ITIH6: variants seen among roughly 807,000 people sequenced by gnomAD.
ITIH6 encodes inter-alpha-trypsin inhibitor heavy chain H6.
In ITIH6, 60 loss-of-function variants were observed where a neutral mutation model predicts 58.2. That is an observed-to-expected ratio of 1.03 (90% CI 0.84 to 1.28). The LOEUF (loss-of-function observed/expected upper bound fraction) is 1.28. ITIH6 is among the 50% of genes most tolerant of loss of function. The pLI, the probability that ITIH6 is intolerant of heterozygous loss-of-function variation, is 0.00. For synonymous variants in ITIH6, 493 were observed against 417.4 expected (o/e 1.18, Z -2.21); for missense variants, 1,290 against 1,021.1 (o/e 1.26, Z -3.59).
intron 1 of ITIH6, among the ~76,000 whole-genome samples, 159 bp from the exon 2 acceptor site, chrX:54,797,255 G>T (rs1929460042): frequency 8.9e-6 from 1 of 111,871 alleles, no homozygotes; most frequent in South Asian, 3.8e-4. Flanking sequence ...TCCATTTGGT[G>T]GATCTGCCTG....
intron 1 of ITIH6, among the ~76,000 whole-genome samples, chrX:54,797,755 G>A (rs1929469377): frequency 9.0e-6 from 1 of 111,330 alleles, no homozygotes; most frequent in East Asian, 2.8e-4. Context: ...ACGTGATGCA[G>A]AGCTAGTTCC....
At chrX:54,753,264 A>C (rs1443853624) in intron 11 of ITIH6, among the ~76,000 whole-genome samples, 1 of 112,968 alleles carries the variant, frequency 8.9e-6, no homozygotes, top group East Asian at 2.8e-4. Flanking sequence ...AACATGGTTA[A>C]ATTCCCAGGA....
Position 54,798,166 on chromosome X carries a change from G to C in ITIH6, c.45C>G (p.Thr15=). 8.4e-7 allele frequency: 1 copy of C among 1,189,051 alleles called. No individual in the cohort carries two copies. The highest frequency in any genetic ancestry group is 3.1e-5 in the East Asian group (1 of 32,421). The change falls in exon 1 of 13, where the codon ACC becomes ACG. Residue 15 remains threonine, a synonymous_variant. Coordinates refer to ENST00000218436, the MANE Select transcript of ITIH6 (RefSeq NM_198510.3). ...RYLICVSFLL[T]ILLELTYQGP... is the part of the protein sequence containing the mutation. ...CCTGGTATGTCAGTTCAAGAAGAAT[G>C]GTCAGCAAAAAGCTGACACAGATGA...
chrX:54,751,182 C>T lies in ITIH6; in HGVS notation c.3551G>A (p.Arg1184Lys). 1 of 1,211,737 alleles carries T rather than the reference C, an allele frequency of 8.3e-7. No homozygotes were observed. Among genetic ancestry groups the T allele is most frequent in the South Asian group, 1.8e-5 (1 of 56,908 alleles). Residue 1184 changes from arginine (R) to lysine (K), a missense_variant, in exon 12 of 13, where the codon AGG (arginine) becomes AAG (lysine). Transcript: ENST00000218436. ...LSWDQPALLK[R>K]PQLELYVAAA... is the part of the protein sequence containing the mutation. ...AGCCACATAGAGCTCCAGCTGGGGC[C>T]TCTTCAGCAGGGCAGGTTGGTCCCA...
In ITIH6 at chrX:54,776,534, C is replaced by T. The variant is rs187828447; in HGVS notation, c.787-2337G>A. ...CACAGCTTGTGGCTCCAAAAGAGAC[C>T]CCTTCATTCTGCTTGAAGACTGGAG... is the stretch of plus-strand genomic sequence containing the variant. On this transcript the variant is annotated intron_variant, in intron 5 of 12. Coordinates refer to ENST00000218436, the MANE Select transcript of ITIH6 (RefSeq NM_198510.3). Among the ~76,000 whole-genome samples the T allele has an allele frequency of 1.5e-3, 160 of 109,645 alleles. 1 individual carries two copies. The highest frequency in any genetic ancestry group is 2.3e-3 in the Non-Finnish European group (120 of 52,609).
intron 11 of ITIH6, among the ~76,000 whole-genome samples, chrX:54,752,376 A>G (rs1300090725): frequency 8.9e-6 from 1 of 111,987 alleles, no homozygotes; most frequent in East Asian, 2.8e-4. Flanking sequence ...GAATGGTAAA[A>G]TTATTGGCAT....
In ITIH6 at chrX:54,766,048, T is replaced by C. The variant is rs780969279; in HGVS notation, c.904-6121A>G. The stretch of plus-strand genomic sequence containing the variant: ...AGCATGGAATGTTCTTCCATTTGTT[T>C]GTATCCTCTTTTATATCCTTGAGCA... On this transcript the variant is annotated intron_variant, in intron 6 of 12. Transcript: ENST00000218436. Among the ~76,000 whole-genome samples, 4 of 111,156 alleles carry C rather than the reference T, an allele frequency of 3.6e-5. No homozygotes were observed. The South Asian group carries it at 1.5e-3, about 42-fold the overall frequency.
intron 6 of ITIH6, among the ~76,000 whole-genome samples, chrX:54,768,768 C>A: frequency 9.8e-6 from 1 of 102,126 alleles, no homozygotes; most frequent in East Asian, 3.1e-4. Flanking sequence ...TGATGGGCTT[C>A]CCTTTGAGGG....
At chrX:54,793,328 C>T (rs1481042923) in intron 2 of ITIH6, among the ~76,000 whole-genome samples, 1 of 110,754 alleles carries the variant, frequency 9.0e-6, no homozygotes, top group Non-Finnish European at 1.9e-5. Context: ...GAACAAAAAA[C>T]CAATTTCTTA....
At chrX:54,780,259 C>T (rs577504076) in intron 5 of ITIH6, among the ~76,000 whole-genome samples, 4 of 111,833 alleles carry the variant, frequency 3.6e-5, no homozygotes, top group East Asian at 2.8e-4. Context: ...CAAAGACAGA[C>T]GATATATCAG....
chrX:54,771,221 G>C (rs913177393), intron 6 of ITIH6, among the ~76,000 whole-genome samples: 15 of 111,576 alleles, frequency 1.3e-4, no homozygotes, highest in African/African-American at 4.6e-4. Flanking sequence ...CTGAGGTTTG[G>C]TGTGCATAAT....
intron 4 of ITIH6, among the ~76,000 whole-genome samples, chrX:54,789,503 T>A (rs1300074898): frequency 2.7e-5 from 3 of 111,764 alleles, no homozygotes; most frequent in Non-Finnish European, 3.8e-5. Flanking sequence ...CCCACAGGAT[T>A]GGTCCTACCC....
rs1929457613 is a variant in ITIH6 at position 54,797,093 on chromosome X, A to G, written c.106T>C (p.Leu36=). The G allele has an allele frequency of 8.3e-7, 1 of 1,208,524 alleles. No individual in the cohort carries two copies. Among genetic ancestry groups the G allele is most frequent in the Non-Finnish European group, 1.1e-6 (1 of 893,326 alleles). ...GAGCGCATAGAATAGCTTGTCATTA[A>G]CAACTGAGAGAGAAGACAGGAGGAG... ...PVPASSSTKL[L]MTSYSMRSTV... is the part of the protein sequence containing the mutation. Residue 36 remains leucine (L), a synonymous_variant, in exon 2 of 13, where the codon TTA becomes CTA. Transcript: ENST00000218436.
At chrX:54,762,298 G>C (rs2147605035) in intron 6 of ITIH6, among the ~76,000 whole-genome samples, 1 of 111,652 alleles carries the variant, frequency 9.0e-6, no homozygotes, top group East Asian at 2.8e-4. Flanking sequence ...TGTATCCTGA[G>C]ACTTTGCTGA....
At position 54,757,099 on chromosome X, in the gene ITIH6, A is replaced by C. The variant is rs777095307; in HGVS notation, c.2975T>G (p.Ile992Ser). Residue 992 changes from isoleucine (I) to serine (S), a missense_variant, in exon 8 of 13, where the codon ATC (isoleucine) becomes AGC (serine). Coordinates refer to ENST00000218436, the MANE Select transcript of ITIH6 (RefSeq NM_198510.3). ...GAGCAGACTGATGGCCTCAGGGAGG[A>C]TGCTAGAAGGCAGCAAGATTGGCAG... is the stretch of plus-strand genomic sequence containing the variant. ...PNLPILLPSS[I>S]LPEAISLLLL... The C allele has an allele frequency of 3.3e-6, 4 of 1,211,412 alleles. No homozygotes were observed. Among genetic ancestry groups the C allele is most frequent in the Non-Finnish European group, 4.5e-6 (4 of 895,301 alleles).
Position 54,748,981 on chromosome X carries a change from A to C in ITIH6, c.*914T>G, listed in dbSNP as rs1284912653. On this transcript the variant is annotated 3_prime_UTR_variant, in exon 13 of 13. Transcript: ENST00000218436. The stretch of plus-strand genomic sequence containing the variant: ...TCTGGCTCCCTGTCCCCATCTTTTT[A>C]TGTCTCTATACCCCTATGTCCATGT... 9.1e-6 allele frequency: 1 copy of C among 110,134 alleles called. No homozygotes were observed. Among genetic ancestry groups the C allele is most frequent in the East Asian group, 2.9e-4 (1 of 3,476 alleles). The allele number at this position is 110,134 out of a possible 1,213,427, so 9.1% of individuals were successfully genotyped here.
chrX:54,754,224 A>T (rs1928438896), intron 9 of ITIH6, among the ~76,000 whole-genome samples: 1 of 111,029 alleles, frequency 9.0e-6, no homozygotes, highest in Non-Finnish European at 1.9e-5. Flanking sequence ...TCCCTTAACT[A>T]CCAAGGATGA....
In ITIH6 at chrX:54,782,339, G is replaced by T. The variant is rs761371933; in HGVS notation, c.786+6141C>A. On this transcript the variant is annotated intron_variant, in intron 5 of 12. Transcript: ENST00000218436. ...GCTGAGGCAGGAGAATCGCTTGAAC[G>T]CAGGAGACCGAGGTTGTGGTGAGCC... Among the ~76,000 whole-genome samples the T allele has an allele frequency of 4.5e-5, 5 of 111,320 alleles. No homozygotes were observed. In the Admixed American group the frequency reaches 4.8e-4, roughly 11 times the overall value.
chrX:54,780,160 A>G (rs1929124239), intron 5 of ITIH6, among the ~76,000 whole-genome samples: 1 of 112,304 alleles, frequency 8.9e-6, no homozygotes, highest in Non-Finnish European at 1.9e-5. Context: ...AATCTGCACT[A>G]TAGATCAGAA....
Sources: gnomAD v4.1 joint callset for allele counts (sites outside exome capture counted in the v4.1 genomes callset) on GRCh38, gnomAD v4.1.1 for gene constraint, MANE v1.5 for transcripts, NCBI Gene and HGNC (gene_info 2026-07-23, HGNC 2026-07-21) for gene names.